AFTPH: variants seen among roughly 807,000 people sequenced by gnomAD.
AFTPH encodes aftiphilin protein.
In AFTPH, 7 loss-of-function variants were observed where a neutral mutation model predicts 72.5. That is an observed-to-expected ratio of 0.10 (90% CI 0.05 to 0.18). The LOEUF is 0.18. Among genes scored for constraint, AFTPH ranks in the 10% least tolerant of loss-of-function variants. The pLI is 1.00. For synonymous variants in AFTPH, 337 were observed against 370.1 expected, an observed-to-expected ratio of 0.91 and a Z score of 1.03; for missense variants, 979 against 1,060.5, an observed-to-expected ratio of 0.92 and a Z score of 1.07.
intron 8 of AFTPH, among the ~76,000 whole-genome samples, chr2:64,591,554 T>C (rs1351673294): frequency 6.6e-6 from 1 of 152,220 alleles, no homozygotes; most frequent in African/African-American, 2.4e-5. Flanking sequence ...TATTTCTGTT[T>C]AGTAACATTT....
At chr2:64,555,653 G>T (rs952385184) in intron 2 of AFTPH, among the ~76,000 whole-genome samples, 2 of 151,754 alleles carry the variant, frequency 1.3e-5, no homozygotes, top group Non-Finnish European at 2.9e-5. Context: ...TTTGCTAATG[G>T]GTTATGGAAA....
chr2:64,558,143 G>A (rs1671502426), intron 2 of AFTPH, among the ~76,000 whole-genome samples: 1 of 152,130 alleles, frequency 6.6e-6, no homozygotes, highest in South Asian at 2.1e-4. Flanking sequence ...ACTTGAGTGT[G>A]AAACCTAATG....
rs574942779 is a variant in AFTPH at position 64,569,015 on chromosome 2, A to C, written c.2088-77A>C. 5.3e-6 allele frequency: 8 copies of C among 1,501,846 alleles called. No homozygotes were observed. In the East Asian group the frequency reaches 1.8e-4, roughly 34 times the overall value. 93.0% of individuals were successfully genotyped at this position (1,501,846 alleles called of 1,614,324 possible). A position where few individuals can be genotyped will look rare whatever the true frequency, so the allele number is the denominator to read the frequency against. On this transcript the variant is annotated intron_variant, in intron 3 of 8. Transcript: ENST00000238856. Reference sequence around the variant, plus strand: ...GTAAATGGAATGTGTGTTATGTCACAGCCATATTATAAGTAGAACTCATGG... The same window carrying C: ...GTAAATGGAATGTGTGTTATGTCACCGCCATATTATAAGTAGAACTCATGG...
At chr2:64,575,741 G>GTATATA (rs1400973758) in intron 6 of AFTPH, among the ~76,000 whole-genome samples, 4 of 128,022 alleles carry the variant, frequency 3.1e-5, no homozygotes, top group African/African-American at 1.0e-4. Flanking sequence ...GTGTGTGTGT[G>GTATATA]TATATATTTT....
intron 5 of AFTPH, 96 bp from the exon 6 acceptor site, chr2:64,572,849 AG>A: frequency 6.7e-7 from 1 of 1,494,788 alleles, no homozygotes; most frequent in South Asian, 1.3e-5. Flanking sequence ...GTACTTTCCA[AG>A]TGACCTGTTT....
intron 2 of AFTPH, among the ~76,000 whole-genome samples, chr2:64,554,884 T>C (rs1432198073): frequency 3.3e-5 from 5 of 152,250 alleles, no homozygotes. Flanking sequence ...GCCTTAGAAC[T>C]TTTAACATCA....
exon 2 of AFTPH, chr2:64,551,679 C>T (rs997570255): frequency 5.0e-6 from 8 of 1,613,826 alleles, no homozygotes; most frequent in Non-Finnish European, 6.8e-6. Context: ...TATGCCAATT[C>T]ATGAATTCTC....
At chr2:64,540,014 T>C (rs1329311102) in intron 1 of AFTPH, among the ~76,000 whole-genome samples, 5 of 151,984 alleles carry the variant, frequency 3.3e-5, no homozygotes, top group Non-Finnish European at 7.4e-5. Context: ...TGATGGAAAA[T>C]TTTTAAAAGC....
intron 5 of AFTPH, 100 bp from the exon 6 acceptor site, chr2:64,572,846 C>T: frequency 6.8e-7 from 1 of 1,475,928 alleles, no homozygotes; most frequent in South Asian, 1.4e-5. Context: ...TCAGTACTTT[C>T]CAAGTGACCT....
intron 2 of AFTPH, among the ~76,000 whole-genome samples, chr2:64,559,452 G>GT (rs1384895626): frequency 6.6e-6 from 1 of 152,178 alleles, no homozygotes; most frequent in Non-Finnish European, 1.5e-5. Flanking sequence ...GAGCAGTGGT[G>GT]TAAGTTCCAG....
chr2:64,561,718 T>C (rs992747487), intron 2 of AFTPH, among the ~76,000 whole-genome samples: 1 of 152,188 alleles, frequency 6.6e-6, no homozygotes, highest in African/African-American at 2.4e-5. Flanking sequence ...GTAACTATTA[T>C]TTTGATTTGA....
chr2:64,552,019 T>C, exon 2 of AFTPH: 3 of 1,613,958 alleles, frequency 1.9e-6, no homozygotes, highest in Non-Finnish European at 2.5e-6. Flanking sequence ...CTGGAGATTC[T>C]AACAAATGGG....
chr2:64,524,380 T>TGGA (rs1669115842), exon 1 of AFTPH: 2 of 402,396 alleles, frequency 5.0e-6, no homozygotes, highest in Non-Finnish European at 4.4e-6. Context: ...GCGGAGGAGG[T>TGGA]GGAGGAGGCG....
At chr2:64,524,863 G>T (rs1479149051) in intron 1 of AFTPH, among the ~76,000 whole-genome samples, 1 of 152,246 alleles carries the variant, frequency 6.6e-6, no homozygotes, top group Non-Finnish European at 1.5e-5. Context: ...GGCACCGGCC[G>T]GGTAAGTGGG....
intron 3 of AFTPH, 115 bp from the exon 4 acceptor site, chr2:64,568,977 G>T: frequency 8.9e-7 from 1 of 1,125,690 alleles, no homozygotes; most frequent in Non-Finnish European, 1.3e-6. Flanking sequence ...ATACACTTAC[G>T]TTGGACCCAA....
chr2:64,559,466 A>G (rs1258868510), intron 2 of AFTPH, among the ~76,000 whole-genome samples: 1 of 152,222 alleles, frequency 6.6e-6, no homozygotes, highest in Non-Finnish European at 1.5e-5. Flanking sequence ...GTTCCAGCCC[A>G]GGAGCCAGCA....
chr2:64,550,692 C>T (rs991331918), intron 1 of AFTPH, among the ~76,000 whole-genome samples: 7 of 63,718 alleles, frequency 1.1e-4, no homozygotes, highest in African/African-American at 3.3e-4. Flanking sequence ...CACACACACA[C>T]ACACACACAC....
intron 2 of AFTPH, among the ~76,000 whole-genome samples, chr2:64,563,738 TG>T (rs916302249): frequency 6.6e-5 from 10 of 152,180 alleles, no homozygotes; most frequent in Admixed American, 4.6e-4. Flanking sequence ...CCCAAGTAGC[TG>T]GGATTACAGG....
At chr2:64,569,164 C>A (rs1464724374) in exon 4 of AFTPH, 3 of 1,614,042 alleles carry the variant, frequency 1.9e-6, no homozygotes, top group Admixed American at 1.7e-5. Flanking sequence ...AGTGGGGCGG[C>A]TCCCATAGCA....
Sources: allele counts gnomAD v4.1 joint callset (sites outside exome capture counted in the v4.1 genomes callset), GRCh38; gene constraint gnomAD v4.1.1; transcripts MANE v1.5; gene names NCBI Gene and HGNC (gene_info 2026-07-23, HGNC 2026-07-21).